SYT1: variants seen among roughly 807,000 people sequenced by gnomAD.
The protein encoded by SYT1 is synaptotagmin 1.
SYT1 carries 8 observed loss-of-function variants against 44.8 expected under a neutral mutation model. That is an observed-to-expected ratio of 0.18 (90% CI 0.10 to 0.32). The LOEUF (loss-of-function observed/expected upper bound fraction) is 0.32, where lower values mean the gene tolerates loss of function less well. Ranked by LOEUF, SYT1 falls within the 10% of genes least tolerant of loss-of-function variation. The pLI is 1.00. For missense variants in SYT1, 286 were observed against 509.3 expected, an observed-to-expected ratio of 0.56 and a Z score of 4.22; for synonymous variants, 154 against 188.8, an observed-to-expected ratio of 0.82 and a Z score of 1.51.
intron 2 of SYT1, among the ~76,000 whole-genome samples, chr12:79,010,308 G>A (rs938146552): frequency 6.6e-6 from 1 of 152,058 alleles, no homozygotes; most frequent in Non-Finnish European, 1.5e-5. Flanking sequence ...AAAATAAAAG[G>A]TGGGGAATGT....
chr12:79,254,575 T>C (rs1877409315), intron 4 of SYT1, among the ~76,000 whole-genome samples: 1 of 152,212 alleles, frequency 6.6e-6, no homozygotes, highest in East Asian at 1.9e-4. Context: ...AGCCTTATTA[T>C]TTGAGAAATA....
chr12:78,933,678 C>T (rs1168777968), intron 1 of SYT1, among the ~76,000 whole-genome samples: 1 of 152,078 alleles, frequency 6.6e-6, no homozygotes, highest in African/African-American at 2.4e-5. Context: ...TTCAGATCAC[C>T]TTGGATACTG....
intron 9 of SYT1, among the ~76,000 whole-genome samples, chr12:79,371,702 A>G (rs1883797922): frequency 6.6e-6 from 1 of 152,226 alleles, no homozygotes; most frequent in African/African-American, 2.4e-5. Context: ...AGACACTCAC[A>G]TGCAGCCTGT....
intron 1 of SYT1, among the ~76,000 whole-genome samples, chr12:78,908,724 A>T (rs1277346894): frequency 6.6e-6 from 1 of 151,962 alleles, no homozygotes. Context: ...AGAATATTGC[A>T]GTGGAAATGA....
chr12:79,018,069 C>T lies in SYT1; in HGVS notation c.-83-29228C>T, dbSNP rs1405176183. ...TTTCTTAAAAATTGTGCACTGTTCA[C>T]AATAGCAAAGACTTGGAACCAACCC... On this transcript the variant is annotated intron_variant, in intron 2 of 10. Transcript: ENST00000261205. Among the ~76,000 whole-genome samples the T allele has an allele frequency of 2.7e-5, 4 of 145,578 alleles. No homozygotes were observed. In the East Asian group the frequency reaches 6.3e-4, roughly 23 times the overall value.
intron 9 of SYT1, among the ~76,000 whole-genome samples, chr12:79,432,239 T>C (rs903105363): frequency 2.6e-5 from 4 of 151,942 alleles, no homozygotes; most frequent in African/African-American, 9.7e-5. Context: ...ATACTTTAAG[T>C]TCTAGGGTAC....
At chr12:79,280,294 A>G (rs1393470951) in intron 4 of SYT1, among the ~76,000 whole-genome samples, 2 of 152,160 alleles carry the variant, frequency 1.3e-5, no homozygotes, top group East Asian at 3.9e-4. Context: ...TAAAAGTAAT[A>G]TAAAAGTAGA....
intron 1 of SYT1, among the ~76,000 whole-genome samples, chr12:78,967,499 T>A (rs1403678342): frequency 6.6e-6 from 1 of 152,120 alleles, no homozygotes; most frequent in Non-Finnish European, 1.5e-5. Flanking sequence ...GAAGAATCAA[T>A]AGTATGTGAC....
intron 8 of SYT1, among the ~76,000 whole-genome samples, chr12:79,328,420 A>G (rs958847211): frequency 1.6e-4 from 24 of 152,182 alleles, no homozygotes; most frequent in Middle Eastern, 6.8e-3. Flanking sequence ...ATCCTTTTTT[A>G]CCCCACCACA....
At chr12:78,906,652 C>G (rs1875999218) in intron 1 of SYT1, among the ~76,000 whole-genome samples, 1 of 152,072 alleles carries the variant, frequency 6.6e-6, no homozygotes, top group Admixed American at 6.6e-5. Context: ...TTAGAGTAAA[C>G]AGAGGATTCA....
chr12:79,017,803 G>A (rs2137605802), intron 2 of SYT1, among the ~76,000 whole-genome samples: 1 of 152,178 alleles, frequency 6.6e-6, no homozygotes, highest in African/African-American at 2.4e-5. Context: ...TGTCAACGAG[G>A]AAATAAATAG....
chr12:79,117,699 ATATAT>A (rs1879368888), intron 3 of SYT1, among the ~76,000 whole-genome samples: 1 of 119,096 alleles, frequency 8.4e-6, no homozygotes, highest in African/African-American at 3.2e-5. Flanking sequence ...ATATATATAT[ATATAT>A]ATATATATAT....
chr12:79,121,911 C>T (rs983557761), intron 3 of SYT1, among the ~76,000 whole-genome samples: 1 of 152,096 alleles, frequency 6.6e-6, no homozygotes, highest in Non-Finnish European at 1.5e-5. Flanking sequence ...GTTCCTAATA[C>T]AAGATAGCCT....
chr12:79,424,531 G>A (rs1019224733), intron 9 of SYT1, among the ~76,000 whole-genome samples: 1 of 152,126 alleles, frequency 6.6e-6, no homozygotes, highest in Non-Finnish European at 1.5e-5. Context: ...TGAAATGCAT[G>A]GCCATGGCTG....
chr12:79,152,420 C>T (rs1256803797), intron 3 of SYT1, among the ~76,000 whole-genome samples: 1 of 151,986 alleles, frequency 6.6e-6, no homozygotes, highest in East Asian at 1.9e-4. Context: ...AAGTGAGAAT[C>T]GTTTTGCACT....
chr12:79,295,528 T>C (rs1036345386), intron 6 of SYT1, among the ~76,000 whole-genome samples: 2 of 152,200 alleles, frequency 1.3e-5, no homozygotes, highest in Non-Finnish European at 2.9e-5. Context: ...AAAATAAATG[T>C]AGTCTGCACA....
intron 1 of SYT1, among the ~76,000 whole-genome samples, chr12:78,956,187 G>A (rs1592602593): frequency 6.6e-6 from 1 of 152,124 alleles, no homozygotes; most frequent in East Asian, 1.9e-4. Flanking sequence ...AGAATGACTG[G>A]TATGGGGGGG....
intron 1 of SYT1, among the ~76,000 whole-genome samples, chr12:78,884,769 G>A (rs1012253504): frequency 2.6e-5 from 4 of 151,618 alleles, no homozygotes; most frequent in African/African-American, 7.2e-5. Flanking sequence ...GAATGAGCTT[G>A]CACATGTTAG....
At chr12:79,003,550 GAAGTT>G (rs1870878824) in intron 2 of SYT1, among the ~76,000 whole-genome samples, 1 of 152,026 alleles carries the variant, frequency 6.6e-6, no homozygotes. Context: ...GATATTCAAT[GAAGTT>G]AAGTAAATAA....
Sources: allele counts gnomAD v4.1 joint callset (sites outside exome capture counted in the v4.1 genomes callset), GRCh38; gene constraint gnomAD v4.1.1; transcripts MANE v1.5; gene names NCBI Gene and HGNC (gene_info 2026-07-23, HGNC 2026-07-21).